Variants in HAS3 observed in about 807,000 individuals in gnomAD.
HAS3 encodes HA synthase 3.
In HAS3, 27 loss-of-function variants were observed where a neutral mutation model predicts 50.3. The observed-to-expected ratio is 0.54, with a 90% CI of 0.40 to 0.74. The LOEUF is 0.74. HAS3 is among the 30% of genes least tolerant of loss of function. HAS3 has a pLI of 0.00. For missense variants in HAS3, 517 were observed against 742.8 expected, an observed-to-expected ratio of 0.70 and a Z score of 3.53; for synonymous variants, 339 against 310.9, an observed-to-expected ratio of 1.09 and a Z score of -0.95.
At chr16:69,101,662 T>C (rs1960698022), upstream of HAS3, among the ~76,000 whole-genome samples, 1 of 152,186 alleles carries the variant, frequency 6.6e-6, no homozygotes, top group Admixed American at 6.6e-5. Context: ...CAGCTCAGGT[T>C]CCCCATGAAA....
At chr16:69,098,322 A>G in the HAS3 span, among the ~76,000 whole-genome samples, 7 of 152,132 alleles carry the variant, frequency 4.6e-5, no homozygotes, top group African/African-American at 9.6e-5. Flanking sequence ...AGTGAGCCGA[A>G]ATGGCGCCAC....
downstream of HAS3, chr16:69,118,480 G>A (rs760160683): frequency 1.4e-6 from 2 of 1,452,208 alleles, no homozygotes; most frequent in Admixed American, 1.7e-5. Context: ...CTCCAATGGT[G>A]AGCAGGGGAC....
the HAS3 span, among the ~76,000 whole-genome samples, chr16:69,090,645 G>A: frequency 6.6e-6 from 1 of 152,094 alleles, no homozygotes; most frequent in African/African-American, 2.4e-5. Flanking sequence ...TCGGTTCACA[G>A]CAACCTCTAC....
Position 69,114,564 on chromosome 16 carries a change from CACCA to C in HAS3, c.964_967del (p.Asn322GlufsTer3), listed in dbSNP as rs753213581. 5.6e-6 allele frequency: 9 copies of C among 1,614,014 alleles called. No individual in the cohort carries two copies. Among genetic ancestry groups the C allele is most frequent in the Non-Finnish European group, 1.7e-6 (2 of 1,180,020 alleles). ...GCAGCTTCGGGGATGACCGGCACCTCACCAACCGAGTCCTGAGCCTTGGCTACCG... is the reference window on the plus strand; with the variant it reads ...GCAGCTTCGGGGATGACCGGCACCTCACCGAGTCCTGAGCCTTGGCTACCG... On this transcript the variant is annotated frameshift_variant, in exon 4 of 4. Coordinates refer to ENST00000569188, the MANE Select transcript of HAS3 (RefSeq NM_001199280.2). LOFTEE classifies it high-confidence loss of function. This position sits in a 1 kb window ranked among gnomAD's most constrained non-coding sequence, Gnocchi z 6.4.
the HAS3 span, among the ~76,000 whole-genome samples, chr16:69,096,582 T>G: frequency 6.9e-6 from 1 of 143,958 alleles, no homozygotes; most frequent in Non-Finnish European, 1.5e-5. Flanking sequence ...GGGGCCAGGC[T>G]TGGTGGCTCA....
At chr16:69,096,408 C>A in the HAS3 span, among the ~76,000 whole-genome samples, 4 of 148,716 alleles carry the variant, frequency 2.7e-5, no homozygotes, top group Non-Finnish European at 6.0e-5. Flanking sequence ...TGGTGGCACA[C>A]GCCTCTAGTC....
Position 69,117,078 on chromosome 16 carries a change from C to G in HAS3, c.*1812C>G. 1.0e-6 allele frequency: 1 copy of G among 985,714 alleles called. No individual in the cohort carries two copies. The highest frequency in any genetic ancestry group is 1.2e-6 in the Non-Finnish European group (1 of 829,934). 61.1% of individuals were successfully genotyped at this position (985,714 alleles called of 1,614,324 possible). ...TTCTGGTAAGACTGCTGGTTGACAT[C>G]AGACCCAACCCATGAAGGCTGGAAG... On this transcript the variant is annotated 3_prime_UTR_variant, in exon 4 of 4. Coordinates refer to ENST00000569188, the MANE Select transcript of HAS3 (RefSeq NM_001199280.2).
At chr16:69,091,000 A>G in the HAS3 span, among the ~76,000 whole-genome samples, 4 of 152,302 alleles carry the variant, frequency 2.6e-5, no homozygotes, top group African/African-American at 9.6e-5. Context: ...GGAGTAGCCA[A>G]ACCAGTATTT....
Position 69,115,714 on chromosome 16 carries a change from G to C in HAS3, c.*448G>C. On this transcript the variant is annotated 3_prime_UTR_variant, in exon 4 of 4. Transcript: ENST00000569188. ...TCTACTGAGCGAGCTGGGCCGGTTA[G>C]TGTATGTCACCCCCACCCCACCCCT... is the stretch of plus-strand genomic sequence containing the variant. 1.0e-6 allele frequency: 1 copy of C among 989,378 alleles called. No individual in the cohort carries two copies. The highest frequency in any genetic ancestry group is 1.2e-6 in the Non-Finnish European group (1 of 832,780). 61.3% of individuals were successfully genotyped at this position (989,378 alleles called of 1,614,324 possible).
rs761371343 is a variant in HAS3, at chr16:69,116,407, T to C, written c.*1141T>C. 9.1e-6 allele frequency: 9 copies of C among 985,828 alleles called. No individual in the cohort carries two copies. Among genetic ancestry groups the C allele is most frequent in the African/African-American group, 3.5e-5 (2 of 57,372 alleles). The allele number at this position is 985,828 out of a possible 1,614,324, so 61.1% of individuals were successfully genotyped here. On this transcript the variant is annotated 3_prime_UTR_variant, in exon 4 of 4. Transcript: ENST00000569188. ...TCTTGGAGCTGCTTGGACGGATTCC[T>C]TGGCAGCCGGGTTAGCATGTGTGAC...
rs1331685643 is a variant in HAS3, at chr16:69,117,612, T to C, written c.*2346T>C. ...TTTTTTAATTTTCAGGTCAAGTTTT[T>C]TATACTGCACTTATTTGTCAAAATA... On this transcript the variant is annotated 3_prime_UTR_variant, in exon 4 of 4. Coordinates refer to ENST00000569188, the MANE Select transcript of HAS3 (RefSeq NM_001199280.2). The C allele has an allele frequency of 6.9e-6, 6 of 866,514 alleles. No individual in the cohort carries two copies. In the African/African-American group the frequency reaches 1.1e-4, roughly 16 times the overall value. 53.7% of individuals were successfully genotyped at this position (866,514 alleles called of 1,614,324 possible).
At position 69,107,822 on chromosome 16, in the gene HAS3, G is replaced by A; in HGVS notation, c.1-1574G>A. 1.7e-6 allele frequency: 1 copy of A among 588,748 alleles called. No individual in the cohort carries two copies. Among genetic ancestry groups the A allele is most frequent in the Non-Finnish European group, 2.1e-6 (1 of 466,920 alleles). 36.5% of individuals were successfully genotyped at this position (588,748 alleles called of 1,614,324 possible). On this transcript the variant is annotated intron_variant, in intron 1 of 3. Transcript: ENST00000569188. This position sits in a 1 kb window ranked among gnomAD's most constrained non-coding sequence, Gnocchi z 5.5. The stretch of plus-strand genomic sequence containing the variant: ...GGGAGTCCTGTGAAGGAAGCACACG[G>A]CGGGCTCCCCGGGACGGTGGGGCAG...
chr16:69,089,345 C>T, the HAS3 span, among the ~76,000 whole-genome samples: 1 of 152,332 alleles, frequency 6.6e-6, no homozygotes, highest in South Asian at 2.1e-4. Flanking sequence ...AAATCTCGGC[C>T]AGAATTTCTG....
Position 69,106,161 on chromosome 16 carries a change from A to T in HAS3, c.-1+374A>T, listed in dbSNP as rs934922583. On this transcript the variant is annotated intron_variant, in intron 1 of 3. Transcript: ENST00000569188. The surrounding 1 kb of genome is among the most constrained non-coding windows in gnomAD (Gnocchi z 5.5). The stretch of plus-strand genomic sequence containing the variant: ...ACTTTCCCGGCCCCAGGGCCGGGGG[A>T]GGCGCCTCTCCTGGCGGGCACGCGC... 1 of 151,556 alleles carries T rather than the reference A, an allele frequency of 6.6e-6. No homozygotes were observed. The highest frequency in any genetic ancestry group is 2.4e-5 in the African/African-American group (1 of 41,164). 9.4% of individuals were successfully genotyped at this position (151,556 alleles called of 1,614,324 possible).
the HAS3 span, among the ~76,000 whole-genome samples, chr16:69,089,974 G>A: frequency 6.6e-6 from 1 of 152,218 alleles, no homozygotes; most frequent in African/African-American, 2.4e-5. Flanking sequence ...CAGGGAGGCA[G>A]GCTCTTGACA....
chr16:69,109,526 C>T lies in HAS3; in HGVS notation c.131C>T (p.Ser44Phe). 6.2e-7 allele frequency: 1 copy of T among 1,614,086 alleles called. No individual in the cohort carries two copies. The highest frequency in any genetic ancestry group is 8.5e-7 in the Non-Finnish European group (1 of 1,180,042). The change falls in exon 2 of 4, where the codon TCC (serine) becomes TTC (phenylalanine). Residue 44 changes from serine (S) to phenylalanine (F), a missense_variant. Transcript: ENST00000569188. The surrounding 1 kb of genome is among the most constrained non-coding windows in gnomAD (Gnocchi z 5.3). ...QFIHTEKHYL[S>F]FGLYGAILGL... ...ATCCACACGGAAAAGCACTACCTGT[C>T]CTTCGGCCTGTACGGCGCCATCCTG...
intron 1 of HAS3, among the ~76,000 whole-genome samples, chr16:69,108,545 G>A (rs938267132): frequency 3.3e-5 from 5 of 152,142 alleles, no homozygotes; most frequent in Non-Finnish European, 7.3e-5. Flanking sequence ...AGGGGGACAC[G>A]CACAGAGACG....
chr16:69,113,622 G>A (rs942224991), intron 3 of HAS3, 80 bp downstream of exon 3: 8 of 837,236 alleles, frequency 9.6e-6, no homozygotes, highest in Non-Finnish European at 1.4e-5. Flanking sequence ...TGGGAAATGG[G>A]TGTCTTGACT....
chr16:69,114,582 C>T lies in HAS3; in HGVS notation c.978C>T (p.Ser326=), dbSNP rs1433043019. 1 of 1,614,102 alleles carries T rather than the reference C, an allele frequency of 6.2e-7. No homozygotes were observed. The change falls in exon 4 of 4, where the codon AGC becomes AGT. Residue 326 remains serine, a synonymous_variant. Coordinates refer to ENST00000569188, the MANE Select transcript of HAS3 (RefSeq NM_001199280.2). This position sits in a 1 kb window ranked among gnomAD's most constrained non-coding sequence, Gnocchi z 6.4. ...GGCACCTCACCAACCGAGTCCTGAG[C>T]CTTGGCTACCGAACTAAGTATACCG... ...DDRHLTNRVL[S]LGYRTKYTAR...
Sources: allele counts gnomAD v4.1 joint callset (sites outside exome capture counted in the v4.1 genomes callset), GRCh38; gene constraint gnomAD v4.1.1; non-coding constraint Gnocchi (gnomAD v3.1); transcripts MANE v1.5; gene names NCBI Gene and HGNC (gene_info 2026-07-23, HGNC 2026-07-21).